The following GPR158 variants were observed in gnomAD, a reference collection of about 807,000 sequenced individuals.
The protein encoded by GPR158 is G protein-coupled receptor 158, also known as metabotropic glycine receptor.
Under a neutral mutation model 78.2 loss-of-function variants are expected in GPR158, and 30 were observed. That is an observed-to-expected ratio of 0.38 (90% CI 0.29 to 0.52). The LOEUF (loss-of-function observed/expected upper bound fraction) is 0.52. Among genes scored for constraint, GPR158 ranks in the 20% least tolerant of loss-of-function variants. The pLI is 0.83. For missense variants in GPR158, 1,463 were observed against 1,523.5 expected (o/e 0.96, Z 0.66); for synonymous variants, 581 against 591.1 (o/e 0.98, Z 0.25).
chr10:25,405,191 T>C (rs1399238444), intron 3 of GPR158, among the ~76,000 whole-genome samples: 1 of 152,056 alleles, frequency 6.6e-6, no homozygotes, highest in Non-Finnish European at 1.5e-5. Flanking sequence ...AAGATATATA[T>C]ATTTCTATTA....
chr10:25,418,463 G>C (rs926077050), intron 4 of GPR158, among the ~76,000 whole-genome samples: 3 of 152,062 alleles, frequency 2.0e-5, no homozygotes, highest in Non-Finnish European at 4.4e-5. Flanking sequence ...TATGCCTTTG[G>C]TTAAAGATGA....
intron 2 of GPR158, among the ~76,000 whole-genome samples, chr10:25,279,035 T>G (rs1050684473): frequency 7.9e-5 from 12 of 152,074 alleles, no homozygotes; most frequent in African/African-American, 2.9e-4. Context: ...ATATGTGATA[T>G]TAGAAGAAGT....
chr10:25,476,691 C>T (rs867750779), intron 5 of GPR158, among the ~76,000 whole-genome samples: 1 of 152,064 alleles, frequency 6.6e-6, no homozygotes, highest in Non-Finnish European at 1.5e-5. Context: ...AATCCATTCT[C>T]TTATCTTCTG....
At chr10:25,211,603 T>C (rs2807241) in intron 1 of GPR158, among the ~76,000 whole-genome samples, 21,594 of 152,186 alleles carry the variant, frequency 0.14, 1,910 homozygotes, top group East Asian at 0.3. Flanking sequence ...TCCCATCTCT[T>C]ATCACCGTTG....
At chr10:25,511,032 A>G (rs1836077626) in intron 5 of GPR158, among the ~76,000 whole-genome samples, 2 of 152,086 alleles carry the variant, frequency 1.3e-5, no homozygotes, top group South Asian at 4.2e-4. Flanking sequence ...TTTCTCATAG[A>G]ATGACTTCTT....
chr10:25,324,601 C>G (rs824155), intron 2 of GPR158, among the ~76,000 whole-genome samples: 122,034 of 152,070 alleles, frequency 0.8, 50,021 homozygotes, highest in African/African-American at 0.9. Context: ...ATGTGACACA[C>G]AGACGCAAAG....
At chr10:25,475,763 G>C (rs1310469165) in intron 5 of GPR158, 1 of 152,020 alleles carries the variant, frequency 6.6e-6, no homozygotes, top group Non-Finnish European at 1.5e-5. Context: ...TACTAGAATT[G>C]TTCATGAAAG....
intron 5 of GPR158, among the ~76,000 whole-genome samples, chr10:25,526,369 C>A (rs938353052): frequency 6.6e-6 from 1 of 152,036 alleles, no homozygotes; most frequent in African/African-American, 2.4e-5. Context: ...TGAAGACTAG[C>A]ACTTAAGCAA....
At chr10:25,506,934 A>T (rs1484831071) in intron 5 of GPR158, among the ~76,000 whole-genome samples, 1 of 152,220 alleles carries the variant, frequency 6.6e-6, no homozygotes, top group Non-Finnish European at 1.5e-5. Context: ...TTTGACTGTA[A>T]TGTCCTATTC....
intron 2 of GPR158, among the ~76,000 whole-genome samples, chr10:25,258,458 A>G (rs1459424897): frequency 2.0e-5 from 3 of 151,928 alleles, no homozygotes; most frequent in Admixed American, 6.6e-5. Context: ...AATTTTCACA[A>G]ACCTTTTCCT....
At chr10:25,467,309 A>T (rs1368096929) in intron 5 of GPR158, among the ~76,000 whole-genome samples, 1 of 152,176 alleles carries the variant, frequency 6.6e-6, no homozygotes, top group African/African-American at 2.4e-5. Context: ...CCTTAGAGAC[A>T]ATAGATGACA....
At chr10:25,261,764 G>C (rs1406155665) in intron 2 of GPR158, among the ~76,000 whole-genome samples, 1 of 152,118 alleles carries the variant, frequency 6.6e-6, no homozygotes, top group East Asian at 1.9e-4. Flanking sequence ...CATTATGACT[G>C]CCATGGCCCT....
At chr10:25,403,688 G>A (rs1834474701) in intron 3 of GPR158, among the ~76,000 whole-genome samples, 1 of 152,002 alleles carries the variant, frequency 6.6e-6, no homozygotes, top group South Asian at 2.1e-4. Flanking sequence ...AAAGTCAGCT[G>A]TGCTAACTCA....
chr10:25,502,366 C>T (rs1474672744), intron 5 of GPR158, among the ~76,000 whole-genome samples: 2 of 152,146 alleles, frequency 1.3e-5, no homozygotes, highest in African/African-American at 4.8e-5. Context: ...TTACATTTAT[C>T]ATCCTGTACA....
intron 7 of GPR158, among the ~76,000 whole-genome samples, chr10:25,579,917 G>A (rs1837164926): frequency 6.6e-6 from 1 of 152,022 alleles, no homozygotes; most frequent in Admixed American, 6.6e-5. Flanking sequence ...CACTGATATA[G>A]CCTAACTCTT....
chr10:25,282,457 G>A (rs1215720235), intron 2 of GPR158, among the ~76,000 whole-genome samples: 1 of 152,064 alleles, frequency 6.6e-6, no homozygotes, highest in Non-Finnish European at 1.5e-5. Flanking sequence ...AGGTTTTTGT[G>A]TCAACATAAG....
At chr10:25,214,546 T>C (rs1853180074) in intron 1 of GPR158, among the ~76,000 whole-genome samples, 1 of 152,214 alleles carries the variant, frequency 6.6e-6, no homozygotes, top group African/African-American at 2.4e-5. Flanking sequence ...TCCACTAATG[T>C]CCCTTTTTTG....
chr10:25,467,920 C>T (rs975451417), intron 5 of GPR158, among the ~76,000 whole-genome samples: 1 of 152,092 alleles, frequency 6.6e-6, no homozygotes, highest in Non-Finnish European at 1.5e-5. Flanking sequence ...CCAGTTCCCG[C>T]CCCAGGTTTG....
chr10:25,509,009 C>A (rs182317820), intron 5 of GPR158, among the ~76,000 whole-genome samples: 67 of 152,272 alleles, frequency 4.4e-4, no homozygotes, highest in African/African-American at 1.6e-3. Flanking sequence ...AAGCTATTGG[C>A]CTCGTTCAAG....
Sources: gnomAD v4.1 joint callset for allele counts (sites outside exome capture counted in the v4.1 genomes callset) on GRCh38, gnomAD v4.1.1 for gene constraint, MANE v1.5 for transcripts, NCBI Gene and HGNC (gene_info 2026-07-23, HGNC 2026-07-21) for gene names.